The following LARGE2 variants were observed in gnomAD, a reference collection of about 807,000 sequenced individuals.
The protein encoded by LARGE2 is LARGE xylosyl- and glucuronyltransferase 2.
A neutral mutation model predicts 75.3 loss-of-function variants in LARGE2; 63 were observed. The observed-to-expected ratio is 0.84, with a 90% confidence interval of 0.68 to 1.03. The LOEUF is 1.03. LARGE2 is among the 50% of genes least tolerant of loss of function. The probability of loss-of-function intolerance (pLI) is 0.00; values close to 1 mark genes in which losing one functional copy is unlikely to be tolerated. For synonymous variants in LARGE2, 428 were observed against 420.1 expected (o/e 1.02, Z -0.23); for missense variants, 925 against 980.6 (o/e 0.94, Z 0.76).
At chr11:45,927,097 A>G (rs923832718) in intron 10 of LARGE2, among the ~76,000 whole-genome samples, 1 of 152,316 alleles carries the variant, frequency 6.6e-6, no homozygotes, top group African/African-American at 2.4e-5. Context: ...GCAAGTCTTC[A>G]TATCTCTGGC....
rs144939669 is a variant in LARGE2 at position 45,928,653 on chromosome 11, C to T, written c.1974C>T (p.Pro658=). The T allele has an allele frequency of 5.3e-5, 85 of 1,614,016 alleles. No homozygotes were observed. The highest frequency in any genetic ancestry group is 2.0e-4 in the East Asian group (9 of 44,896). The change falls in exon 14 of 14, where the codon CCC becomes CCT. Residue 658 remains proline, a synonymous_variant. Transcript: ENST00000401752. ...DAQEYELLVL[P]EAFTIHLPHA... The stretch of plus-strand genomic sequence containing the variant: ...AGGAATATGAGCTCCTGGTGCTGCC[C>T]GAGGCCTTCACCATCCATCTGCCCC...
chr11:45,923,708 C>T (rs1195886748), intron 3 of LARGE2, among the ~76,000 whole-genome samples, 153 bp downstream of exon 3: 1 of 152,080 alleles, frequency 6.6e-6, no homozygotes, highest in Admixed American at 6.5e-5. Flanking sequence ...AACATCCTGC[C>T]GGGCGCGGTG....
In LARGE2 at chr11:45,924,871, G is replaced by T; in HGVS notation, c.751G>T (p.Gly251Cys). Residue 251 changes from glycine to cysteine, a missense_variant, in exon 6 of 14, where the codon GGC (glycine) becomes TGC (cysteine). Gly to Cys is a radical substitution (Grantham distance 159). This residue lies in a region of LARGE2 where 453 missense variants were observed against 460.2 expected (regional missense o/e 0.98). Coordinates refer to ENST00000401752, the MANE Select transcript of LARGE2 (RefSeq NM_001300721.2). Reference protein sequence around the residue: ...WKNHRPWPALGRGFNTGVILL... With the variant: ...WKNHRPWPALCRGFNTGVILL... ...GAACCACAGGCCCTGGCCTGCCTTG[G>T]GCCGGGGATTTAACACAGGTGGGGA... The T allele has an allele frequency of 6.7e-7, 1 of 1,482,394 alleles. No homozygotes were observed. Among genetic ancestry groups the T allele is most frequent in the East Asian group, 2.5e-5 (1 of 40,546 alleles). The allele number at this position is 1,482,394 out of a possible 1,614,324, so 91.8% of individuals were successfully genotyped here. A position where few individuals can be genotyped will look rare whatever the true frequency, so the allele number is the denominator to read the frequency against.
chr11:45,923,985 C>CAAAAAA lies in LARGE2; in HGVS notation c.369-136_369-131dup, dbSNP rs60577963. 3.3e-4 allele frequency among the ~76,000 whole-genome samples: 23 copies of CAAAAAA among 69,526 alleles called. 2 individuals carry two copies. Among genetic ancestry groups the CAAAAAA allele is most frequent in the African/African-American group, 1.0e-3 (16 of 15,714 alleles). The allele number at this position is 69,526 out of a possible 152,430, so 45.6% of individuals were successfully genotyped here. On this transcript the variant is annotated intron_variant, in intron 3 of 13. Transcript: ENST00000401752. ...TGGGCGACAGAGCGAGACTCCGTCT[C>CAAAAAA]AAAAAAAAAAAAAAAAAAAAAAAAA...
chr11:45,925,113 T>G (rs1027329179), intron 6 of LARGE2, among the ~76,000 whole-genome samples: 28 of 152,290 alleles, frequency 1.8e-4, no homozygotes, highest in African/African-American at 6.7e-4. Flanking sequence ...ATCCATTAAA[T>G]GGGGGATAAT....
Position 45,923,556 on chromosome 11 carries a change from G to A in LARGE2, c.368+1G>A. 1.2e-6 allele frequency: 2 copies of A among 1,613,556 alleles called. No homozygotes were observed. The highest frequency in any genetic ancestry group is 1.7e-6 in the Non-Finnish European group (2 of 1,179,694). ...TGGTGAAGTCCATGCTCTTCTACAGGTACAGCCAGGTGTCCGTGGAGGAGG... is the reference window on the plus strand; with the variant it reads ...TGGTGAAGTCCATGCTCTTCTACAGATACAGCCAGGTGTCCGTGGAGGAGG... On this transcript the variant is annotated splice_donor_variant, in intron 3 of 13. Coordinates refer to ENST00000401752, the MANE Select transcript of LARGE2 (RefSeq NM_001300721.2). LOFTEE classifies it high-confidence loss of function.
In LARGE2 at chr11:45,924,497, C is replaced by A. The variant is rs1391970992; in HGVS notation, c.493-9C>A. On this transcript the variant is annotated splice_polypyrimidine_tract_variant and intron_variant, in intron 4 of 13. Coordinates refer to ENST00000401752, the MANE Select transcript of LARGE2 (RefSeq NM_001300721.2). ...CTGCCATCTCATCTCCTGCCTTTCC[C>A]CCACACAGCCCCAGGTCTCCTGGAT... 9.9e-6 allele frequency: 16 copies of A among 1,609,446 alleles called. No individual in the cohort carries two copies. Among genetic ancestry groups the A allele is most frequent in the Non-Finnish European group, 1.4e-5 (16 of 1,177,274 alleles).
At chr11:45,923,205 G>A (rs1241964178) in intron 2 of LARGE2, 38 bp downstream of exon 2, 2 of 1,320,770 alleles carry the variant, frequency 1.5e-6, no homozygotes, top group African/African-American at 1.5e-5. Context: ...AGTCCTGGGG[G>A]CGCCGCCCCC....
rs2087072984 is a variant in LARGE2 at position 45,924,657 on chromosome 11, C to A, written c.644C>A (p.Ala215Asp). Residue 215 changes from alanine (A) to aspartate (D), a missense_variant, in exon 5 of 14, where the codon GCC becomes GAC. By Grantham distance (126) the Ala-to-Asp change is moderately radical. Transcript: ENST00000401752. ...GCCTCTGACATCTCGGAGCTCTGGG[C>A]CCTCTTTGCTCACTTTTCTGGTGAG... ...TFASDISELW[A>D]LFAHFSDTQA... 2.5e-6 allele frequency: 4 copies of A among 1,613,106 alleles called. No homozygotes were observed. The highest frequency in any genetic ancestry group is 2.5e-6 in the Non-Finnish European group (3 of 1,179,518).
rs2087395045 is a variant in LARGE2, at chr11:45,928,747, A to C, written c.2068A>C (p.Lys690Gln). Residue 690 changes from lysine to glutamine, a missense_variant, in exon 14 of 14, where the codon AAG becomes CAG. Lys to Gln is a moderately conservative substitution (Grantham distance 53). This residue lies in a region of LARGE2 where 469 missense variants were observed against 503.8 expected (regional missense o/e 0.93). Coordinates refer to ENST00000401752, the MANE Select transcript of LARGE2 (RefSeq NM_001300721.2). ...PTYRDCLQAL[K>Q]DEFHQDLSRH... Reference sequence around the variant, plus strand: ...CTATCGTGACTGCCTCCAGGCCCTCAAGGACGAATTCCACCAGGACTTGTC... The same window carrying C: ...CTATCGTGACTGCCTCCAGGCCCTCCAGGACGAATTCCACCAGGACTTGTC... 6.2e-7 allele frequency: 1 copy of C among 1,613,980 alleles called. No individual in the cohort carries two copies. The highest frequency in any genetic ancestry group is 1.3e-5 in the African/African-American group (1 of 74,932).
chr11:45,924,233 G>A lies in LARGE2; in HGVS notation c.448G>A (p.Val150Met), dbSNP rs1162842484. The change falls in exon 4 of 14, where the codon GTG becomes ATG. Residue 150 changes from valine (V) to methionine (M), a missense_variant. Coordinates refer to ENST00000401752, the MANE Select transcript of LARGE2 (RefSeq NM_001300721.2). ...GGAGACGCTCTTCCACACATGGATG[G>A]TGCCTGCTGTCCGTGTCAGCTTTTA... ...ILETLFHTWM[V>M]PAVRVSFYHA... 1 of 1,613,572 alleles carries A rather than the reference G, an allele frequency of 6.2e-7. No homozygotes were observed. The highest frequency in any genetic ancestry group is 1.3e-5 in the African/African-American group (1 of 75,012).
rs781706550 is a variant in LARGE2, at chr11:45,926,575, A to G, written c.1142A>G (p.Gln381Arg). The change falls in exon 9 of 14, where the codon CAG (glutamine) becomes CGG (arginine). Residue 381 changes from glutamine (Q) to arginine (R), a missense_variant. This residue lies in a region of LARGE2 where 469 missense variants were observed against 503.8 expected (regional missense o/e 0.93). Transcript: ENST00000401752. The stretch of plus-strand genomic sequence containing the variant: ...AGAGAGCTCTTTGTGTGCCCCAGCC[A>G]GCCCCCACCTGGTGCTGAGCAGGTG... Reference protein sequence around the residue: ...LRRELFVCPSQPPPGAEQLQQ... With the variant: ...LRRELFVCPSRPPPGAEQLQQ... 6.2e-7 allele frequency: 1 copy of G among 1,614,120 alleles called. No individual in the cohort carries two copies. Among genetic ancestry groups the G allele is most frequent in the East Asian group, 2.2e-5 (1 of 44,882 alleles).
In LARGE2 at chr11:45,928,837, C is replaced by G; in HGVS notation, c.2158C>G (p.Arg720Gly). 6.2e-7 allele frequency: 1 copy of G among 1,613,142 alleles called. No individual in the cohort carries two copies. The highest frequency in any genetic ancestry group is 8.5e-7 in the Non-Finnish European group (1 of 1,179,886). The change falls in exon 14 of 14, where the codon CGA (arginine) becomes GGA (glycine). Residue 720 changes from arginine to glycine, a missense_variant. By Grantham distance (125) the Arg-to-Gly change is moderately radical (BLOSUM62 -2). This residue lies in a region of LARGE2 where 469 missense variants were observed against 503.8 expected (regional missense o/e 0.93). Coordinates refer to ENST00000401752, the MANE Select transcript of LARGE2 (RefSeq NM_001300721.2). ...CCTGCAGCAGCCCCAGAGCCCTGCC[C>G]GAGGCTGAGGCTGGGCCGGCGCTGC... ...PALQQPQSPA[R>G]G is the part of the protein sequence containing the mutation.
upstream of LARGE2, among the ~76,000 whole-genome samples, chr11:45,922,412 G>T (rs2086948188): frequency 6.6e-6 from 1 of 152,116 alleles, no homozygotes; most frequent in African/African-American, 2.4e-5. Flanking sequence ...GCAGGGCAGG[G>T]GGTCAGGGCA....
At position 45,927,944 on chromosome 11, in the gene LARGE2, G is replaced by A. The variant is rs771205779; in HGVS notation, c.1629G>A (p.Leu543=). ...YLRASIEQLG[L]GSRRKAALVV... Reference sequence around the variant, plus strand: ...GGGCCTCCATTGAGCAGCTGGGGCTGGGCAGCCGGCGCAAGGCAGCACTGG... The same window carrying A: ...GGGCCTCCATTGAGCAGCTGGGGCTAGGCAGCCGGCGCAAGGCAGCACTGG... Residue 543 remains leucine (L), a synonymous_variant, in exon 12 of 14, where the codon CTG becomes CTA. Transcript: ENST00000401752. 1.2e-6 allele frequency: 2 copies of A among 1,613,360 alleles called. No individual in the cohort carries two copies. The highest frequency in any genetic ancestry group is 2.7e-5 in the African/African-American group (2 of 74,926).
intron 3 of LARGE2, 123 bp from the exon 4 acceptor site, chr11:45,924,031 C>T: frequency 1.6e-6 from 1 of 634,486 alleles, no homozygotes; most frequent in Non-Finnish European, 2.5e-6. Context: ...AAAGAACATC[C>T]TGAGCCGGGC....
chr11:45,926,442 G>A lies in LARGE2; in HGVS notation c.1009G>A (p.Val337Met), dbSNP rs766205815. Residue 337 changes from valine to methionine, a missense_variant and splice_region_variant, in exon 9 of 14, where the codon GTG (valine) becomes ATG (methionine). Val to Met is a conservative substitution (Grantham distance 21). Around this residue, in one of 3 missense-constraint regions of LARGE2, gnomAD observed 3 missense variants for 16.5 expected, o/e 0.18. Transcript: ENST00000401752. Reference sequence around the variant, plus strand: ...GCCCCAACACCCTCCTGGGTCCCAGGTGATCCACTGGAACTCACCAAAGAA... The same window carrying A: ...GCCCCAACACCCTCCTGGGTCCCAGATGATCCACTGGAACTCACCAAAGAA... ...RCYSEASDLK[V>M]IHWNSPKKLR... 8 of 1,613,920 alleles carry A rather than the reference G, an allele frequency of 5.0e-6. No homozygotes were observed. Among genetic ancestry groups the A allele is most frequent in the Middle Eastern group, 1.6e-4 (1 of 6,080 alleles).
Position 45,928,307 on chromosome 11 carries a change from T to G in LARGE2, c.1885T>G (p.Tyr629Asp). 1.2e-6 allele frequency: 2 copies of G among 1,614,186 alleles called. No individual in the cohort carries two copies. Among genetic ancestry groups the G allele is most frequent in the Non-Finnish European group, 1.7e-6 (2 of 1,180,028 alleles). The change falls in exon 13 of 14, where the codon TAT becomes GAT. Residue 629 changes from tyrosine (Y) to aspartate (D), a missense_variant. Coordinates refer to ENST00000401752, the MANE Select transcript of LARGE2 (RefSeq NM_001300721.2). ...YVVVPRDCPR[Y>D]DPRFVGFGWN... ...GGTGGTGCCACGAGACTGTCCCCGC[T>G]ATGATCCTCGCTTTGTGGGCTTCGG... is the stretch of plus-strand genomic sequence containing the variant.
Position 45,922,996 on chromosome 11 carries a change from T to C in LARGE2, c.114T>C (p.Pro38=). The change falls in exon 2 of 14, where the codon CCT becomes CCC. Residue 38 remains proline (P), a synonymous_variant. Coordinates refer to ENST00000401752, the MANE Select transcript of LARGE2 (RefSeq NM_001300721.2). ...GGDLGCERRE[P]GGRAGAPGCF... is the part of the protein sequence containing the mutation. ...ACCTGGGGTGTGAGCGCCGCGAGCC[T>C]GGCGGGCGAGCGGGGGCCCCGGGAT... 2 of 1,318,954 alleles carry C rather than the reference T, an allele frequency of 1.5e-6. No homozygotes were observed. Among genetic ancestry groups the C allele is most frequent in the South Asian group, 1.9e-5 (1 of 53,632 alleles). The allele number at this position is 1,318,954 out of a possible 1,614,324, so 81.7% of individuals were successfully genotyped here. A position where few individuals can be genotyped will look rare whatever the true frequency, so the allele number is the denominator to read the frequency against.
Sources: allele counts gnomAD v4.1 joint callset (sites outside exome capture counted in the v4.1 genomes callset), GRCh38; gene constraint gnomAD v4.1.1; regional missense constraint gnomAD v4.1.1; transcripts MANE v1.5; gene names NCBI Gene and HGNC (gene_info 2026-07-23, HGNC 2026-07-21).